Variants in CIDEC observed in about 807,000 individuals in gnomAD.
CIDEC encodes the protein cell death inducing DFFA like effector c.
In CIDEC, 11 loss-of-function variants were observed where a neutral mutation model predicts 21.9. That is an observed-to-expected ratio of 0.50 (90% CI 0.32 to 0.83). The LOEUF is 0.83. Ranked by LOEUF, CIDEC falls within the 40% of genes least tolerant of loss-of-function variation. The probability of loss-of-function intolerance (pLI) is 0.04; values close to 1 mark genes in which losing one functional copy is unlikely to be tolerated. For synonymous variants in CIDEC, 127 were observed against 124.9 expected (o/e 1.02, Z -0.11); for missense variants, 302 against 302.3 (o/e 1.00, Z 0.01).
chr3:9,869,013 A>G (rs182431711), intron 6 of CIDEC, among the ~76,000 whole-genome samples: 1 of 152,086 alleles, frequency 6.6e-6, no homozygotes, highest in East Asian at 1.9e-4. Flanking sequence ...GCGTGTGATA[A>G]AGACAGGGTC....
chr3:9,876,148 G>A (rs539379967), intron 4 of CIDEC, among the ~76,000 whole-genome samples: 1 of 152,346 alleles, frequency 6.6e-6, no homozygotes, highest in East Asian at 1.9e-4. Flanking sequence ...AGGCACCTGG[G>A]ATTGCAGATG....
intron 3 of CIDEC, 43 bp from the exon 4 acceptor site, chr3:9,877,262 A>G: frequency 6.5e-7 from 1 of 1,547,818 alleles, no homozygotes; most frequent in Non-Finnish European, 8.7e-7. Flanking sequence ...CACTTTGCCC[A>G]ACCCTTGCCC....
chr3:9,877,471 C>G (rs994856089), intron 3 of CIDEC, among the ~76,000 whole-genome samples: 1 of 152,172 alleles, frequency 6.6e-6, no homozygotes, highest in East Asian at 1.9e-4. Context: ...ACCACCCTGG[C>G]TAACATGGTG....
rs906004890 is a variant in CIDEC, at chr3:9,879,048, G to A, written c.-132C>T. On this transcript the variant is annotated 5_prime_UTR_variant, in exon 2 of 7. Coordinates refer to ENST00000336832, the MANE Select transcript of CIDEC (RefSeq NM_001321142.2). ...TCCTGAGGCTTCACAGTGGCCAAAA[G>A]AACATTCTGTGATGATAGAGGCATG... 6.9e-6 allele frequency: 4 copies of A among 580,018 alleles called. No individual in the cohort carries two copies. Among genetic ancestry groups the A allele is most frequent in the Non-Finnish European group, 1.2e-5 (4 of 323,968 alleles). The allele number at this position is 580,018 out of a possible 1,614,324, so 35.9% of individuals were successfully genotyped here. A position where few individuals can be genotyped will look rare whatever the true frequency, so the allele number is the denominator to read the frequency against.
intron 2 of CIDEC, 196 bp downstream of exon 2, chr3:9,878,746 A>G (rs548162516): frequency 6.5e-7 from 1 of 1,535,696 alleles, no homozygotes; most frequent in East Asian, 2.4e-5. Context: ...AGCCTCACTC[A>G]GCAGCTGCTG....
At chr3:9,870,866 C>T (rs533519642) in intron 4 of CIDEC, among the ~76,000 whole-genome samples, 2 of 151,850 alleles carry the variant, frequency 1.3e-5, no homozygotes, top group Admixed American at 1.3e-4. Flanking sequence ...TCTCAAACTC[C>T]TTGCCTCAAG....
intron 4 of CIDEC, chr3:9,870,539 T>A: frequency 1.5e-6 from 2 of 1,375,938 alleles, no homozygotes; most frequent in Admixed American, 2.0e-5. Flanking sequence ...GTGATACAGT[T>A]TACATACTCT....
intron 4 of CIDEC, among the ~76,000 whole-genome samples, chr3:9,873,064 T>TGTTTGTTTTG (rs955972205): frequency 6.6e-6 from 1 of 151,858 alleles, no homozygotes; most frequent in Non-Finnish European, 1.5e-5. Flanking sequence ...GTTTTGGTTT[T>TGTTTGTTTTG]GTTTGTTTTG....
At chr3:9,876,872 C>T (rs551006545) in intron 4 of CIDEC, among the ~76,000 whole-genome samples, 194 bp downstream of exon 4, 124 of 151,112 alleles carry the variant, frequency 8.2e-4, no homozygotes, top group African/African-American at 2.9e-3. Flanking sequence ...AGGATGGTAA[C>T]GTACTGCCCC....
At chr3:9,877,666 A>T (rs192908333) in intron 3 of CIDEC, among the ~76,000 whole-genome samples, 1,912 of 152,290 alleles carry the variant, frequency 0.013, 28 homozygotes, top group African/African-American at 0.034. Flanking sequence ...ACTTAAAAAA[A>T]AATAATAAAA....
intron 1 of CIDEC, among the ~76,000 whole-genome samples, chr3:9,879,818 C>A (rs769067694): frequency 6.6e-6 from 1 of 152,206 alleles, no homozygotes; most frequent in Non-Finnish European, 1.5e-5. Context: ...CCAAGGGTGC[C>A]TCTGGGTCTG....
intron 3 of CIDEC, chr3:9,878,152 C>T: frequency 2.4e-6 from 1 of 416,912 alleles, no homozygotes; most frequent in Non-Finnish European, 4.4e-6. Context: ...ACCCCCACTT[C>T]CCAAAGTTGT....
chr3:9,875,376 CAAAAA>C (rs34070196), intron 4 of CIDEC, among the ~76,000 whole-genome samples: 1 of 116,906 alleles, frequency 8.6e-6, no homozygotes, highest in Non-Finnish European at 1.7e-5. Flanking sequence ...GACTCTGTCT[CAAAAA>C]AAAAAAAAAA....
In CIDEC at chr3:9,878,478, G is replaced by A. The variant is rs776798648; in HGVS notation, c.9C>T (p.Tyr3=). Residue 3 remains tyrosine (Y), a synonymous_variant, in exon 3 of 7, where the codon TAC becomes TAT. Coordinates refer to ENST00000336832, the MANE Select transcript of CIDEC (RefSeq NM_001321142.2). ME[Y]AMKSLSLLYP... is the part of the protein sequence containing the mutation. ...AGAGAAGGCTAAGGGACTTCATGGC[G>A]TATTCCATCCTTGTCAGCTGGACTG... The A allele has an allele frequency of 9.3e-6, 15 of 1,613,876 alleles. No homozygotes were observed. Among genetic ancestry groups the A allele is most frequent in the South Asian group, 7.7e-5 (7 of 91,086 alleles).
intron 4 of CIDEC, 141 bp downstream of exon 4, chr3:9,876,925 G>C (rs2082431681): frequency 2.9e-6 from 2 of 699,906 alleles, no homozygotes; most frequent in African/African-American, 3.5e-5. Context: ...TAATTAGTTG[G>C]ACAGCTCTCC....
intron 2 of CIDEC, 64 bp downstream of exon 2, chr3:9,878,878 G>A (rs1017397029): frequency 1.4e-6 from 2 of 1,456,356 alleles, no homozygotes; most frequent in African/African-American, 1.4e-5. Flanking sequence ...TGGGGACAGA[G>A]TCCACTTTAC....
intron 4 of CIDEC, among the ~76,000 whole-genome samples, chr3:9,872,011 A>G (rs2082355117): frequency 6.6e-6 from 1 of 151,046 alleles, no homozygotes; most frequent in African/African-American, 2.4e-5. Context: ...GGATCTCACC[A>G]TGTTGCCAAG....
intron 4 of CIDEC, among the ~76,000 whole-genome samples, chr3:9,875,068 T>C (rs1185948036): frequency 2.0e-5 from 3 of 152,090 alleles, no homozygotes; most frequent in South Asian, 2.1e-4. Flanking sequence ...GCCAAAGATA[T>C]AAACCTGAAT....
At chr3:9,867,804 C>G (rs1256028808) in intron 6 of CIDEC, among the ~76,000 whole-genome samples, 1 of 151,698 alleles carries the variant, frequency 6.6e-6, no homozygotes, top group Non-Finnish European at 1.5e-5. Flanking sequence ...GTGGCAGACA[C>G]CTGTAATCTC....
Sources: gnomAD v4.1 joint callset for allele counts (sites outside exome capture counted in the v4.1 genomes callset) on GRCh38, gnomAD v4.1.1 for gene constraint, MANE v1.5 for transcripts, NCBI Gene and HGNC (gene_info 2026-07-23, HGNC 2026-07-21) for gene names.